The following MYRIP variants were observed in gnomAD, a reference collection of about 807,000 sequenced individuals.
The protein encoded by MYRIP is myosin VIIA and Rab interacting protein, also known as rab effector MyRIP.
A neutral mutation model predicts 98.0 loss-of-function variants in MYRIP; 49 were observed. That is an observed-to-expected ratio of 0.50 (90% CI 0.40 to 0.63). The LOEUF (loss-of-function observed/expected upper bound fraction) is 0.63. Among genes scored for constraint, MYRIP ranks in the 30% least tolerant of loss-of-function variants. MYRIP has a pLI of 0.00. For synonymous variants in MYRIP, 404 were observed against 409.5 expected (o/e 0.99, Z 0.16); for missense variants, 1,004 against 1,058.2 (o/e 0.95, Z 0.71).
chr3:39,913,805 A>G (rs1397537655), intron 2 of MYRIP, among the ~76,000 whole-genome samples: 1 of 152,200 alleles, frequency 6.6e-6, no homozygotes, highest in African/African-American at 2.4e-5. Flanking sequence ...GAGGACAATA[A>G]CTGCTACTGC....
intron 2 of MYRIP, among the ~76,000 whole-genome samples, chr3:39,945,089 C>G (rs1944869553): frequency 6.6e-6 from 1 of 151,910 alleles, no homozygotes; most frequent in Admixed American, 6.6e-5. Context: ...AGAGGAAAGA[C>G]AGCCAAGGGA....
chr3:40,225,201 A>G (rs566589111), intron 11 of MYRIP, among the ~76,000 whole-genome samples: 2 of 152,244 alleles, frequency 1.3e-5, no homozygotes, highest in Admixed American at 1.3e-4. Context: ...TCTGGATTCC[A>G]CTTGGAACAG....
intron 2 of MYRIP, among the ~76,000 whole-genome samples, chr3:39,980,779 C>G (rs1014097050): frequency 1.1e-4 from 17 of 152,066 alleles, no homozygotes; most frequent in African/African-American, 3.9e-4. Flanking sequence ...TGTTGAGGTA[C>G]CTACTTTTAT....
At chr3:40,137,785 G>A (rs1335167695) in intron 3 of MYRIP, among the ~76,000 whole-genome samples, 1 of 152,096 alleles carries the variant, frequency 6.6e-6, no homozygotes, top group Admixed American at 6.5e-5. Context: ...CAGTATATAT[G>A]AGATGAATAA....
intron 11 of MYRIP, among the ~76,000 whole-genome samples, chr3:40,221,968 A>C (rs1330151362): frequency 6.6e-6 from 1 of 152,202 alleles, no homozygotes; most frequent in Admixed American, 6.5e-5. Flanking sequence ...GGAACAGCAA[A>C]GATAGATTGG....
intron 1 of MYRIP, among the ~76,000 whole-genome samples, chr3:39,877,502 A>G (rs1378764342): frequency 1.3e-5 from 2 of 152,072 alleles, no homozygotes; most frequent in African/African-American, 2.4e-5. Flanking sequence ...GATGATGGTG[A>G]TGTGCAGATG....
At chr3:40,010,305 C>A (rs1280590723) in intron 2 of MYRIP, among the ~76,000 whole-genome samples, 1 of 152,222 alleles carries the variant, frequency 6.6e-6, no homozygotes, top group Non-Finnish European at 1.5e-5. Context: ...GAAAGCTGGC[C>A]TCTGAGAGTG....
intron 1 of MYRIP, among the ~76,000 whole-genome samples, chr3:39,887,102 C>G (rs1192259584): frequency 6.6e-6 from 1 of 151,756 alleles, no homozygotes; most frequent in Non-Finnish European, 1.5e-5. Context: ...GGGTACATAA[C>G]AAAATGAAGG....
At chr3:39,948,164 C>G (rs1944940052) in intron 2 of MYRIP, among the ~76,000 whole-genome samples, 2 of 152,054 alleles carry the variant, frequency 1.3e-5, no homozygotes, top group African/African-American at 4.8e-5. Flanking sequence ...AATAAACCAC[C>G]AGTCAGAACA....
chr3:40,239,372 G>A (rs534446482), intron 12 of MYRIP, among the ~76,000 whole-genome samples: 2 of 149,820 alleles, frequency 1.3e-5, no homozygotes, highest in South Asian at 2.1e-4. Flanking sequence ...AAACATACGT[G>A]TGCATGTGTC....
chr3:40,066,440 A>C (rs563288229), intron 3 of MYRIP, among the ~76,000 whole-genome samples: 8 of 152,210 alleles, frequency 5.3e-5, no homozygotes, highest in African/African-American at 1.9e-4. Context: ...ACTCCTGTTC[A>C]GAGGGTGTTG....
chr3:39,913,687 G>A (rs1346986772), intron 2 of MYRIP, among the ~76,000 whole-genome samples: 1 of 152,154 alleles, frequency 6.6e-6, no homozygotes, highest in Non-Finnish European at 1.5e-5. Context: ...TTCATTGTTT[G>A]TTCATGAAAT....
chr3:39,980,131 G>A (rs1006140049), intron 2 of MYRIP, among the ~76,000 whole-genome samples: 1 of 149,012 alleles, frequency 6.7e-6, no homozygotes, highest in Non-Finnish European at 1.5e-5. Context: ...ACAGGAGTTC[G>A]GGTACATATG....
Position 40,258,274 on chromosome 3 carries a change from C to T in MYRIP, c.*108C>T, listed in dbSNP as rs896428361. 7.4e-7 allele frequency: 1 copy of T among 1,342,666 alleles called. No individual in the cohort carries two copies. Among genetic ancestry groups the T allele is most frequent in the Admixed American group, 1.7e-5 (1 of 59,078 alleles). 83.2% of individuals were successfully genotyped at this position (1,342,666 alleles called of 1,614,324 possible). ...ATGTATTTCCACCTGAGGAGAAGGC[C>T]TGGGGAGGCCACAGTGCACCATTGC... On this transcript the variant is annotated 3_prime_UTR_variant, in exon 17 of 17. Transcript: ENST00000302541.
chr3:40,142,208 C>T (rs1419246665), intron 3 of MYRIP, among the ~76,000 whole-genome samples: 4 of 151,740 alleles, frequency 2.6e-5, no homozygotes, highest in South Asian at 2.1e-4. Context: ...CCTGCCACCA[C>T]GCCGGGCTCA....
chr3:39,976,313 A>G (rs1318953114), intron 2 of MYRIP, among the ~76,000 whole-genome samples: 2 of 152,262 alleles, frequency 1.3e-5, no homozygotes, highest in Non-Finnish European at 2.9e-5. Context: ...ATCACTGGCC[A>G]TCAGAGAAAT....
chr3:40,200,746 C>T (rs1464165547), intron 10 of MYRIP, among the ~76,000 whole-genome samples: 2 of 152,144 alleles, frequency 1.3e-5, no homozygotes, highest in African/African-American at 4.8e-5. Flanking sequence ...AGAGCCAATG[C>T]AGAGAAAGGG....
intron 1 of MYRIP, among the ~76,000 whole-genome samples, chr3:39,887,724 C>G (rs200412145): frequency 0.034 from 5,120 of 151,912 alleles, 208 homozygotes; most frequent in African/African-American, 0.094. Flanking sequence ...ATTAGGAAAA[C>G]AGGAAGTCAA....
intron 1 of MYRIP, among the ~76,000 whole-genome samples, chr3:39,852,348 C>T (rs2125607402): frequency 6.6e-6 from 1 of 152,296 alleles, no homozygotes; most frequent in South Asian, 2.1e-4. Flanking sequence ...CCAGACCCTG[C>T]TCAATGACAG....
Sources: gnomAD v4.1 joint callset for allele counts (sites outside exome capture counted in the v4.1 genomes callset) on GRCh38, gnomAD v4.1.1 for gene constraint, MANE v1.5 for transcripts, NCBI Gene and HGNC (gene_info 2026-07-23, HGNC 2026-07-21) for gene names.